PRKG1: variants seen among roughly 807,000 people sequenced by gnomAD.
The protein encoded by PRKG1 is cGMP-dependent protein kinase 1.
Under a neutral mutation model 88.1 loss-of-function variants are expected in PRKG1, and 35 were observed. The observed-to-expected ratio is 0.40, with a 90% CI of 0.30 to 0.53. The LOEUF (loss-of-function observed/expected upper bound fraction) is 0.53, where lower values mean the gene tolerates loss of function less well. PRKG1 is among the 20% of genes least tolerant of loss of function. The pLI is 0.59. For missense variants in PRKG1, 540 were observed against 839.8 expected (o/e 0.64, Z 4.41); for synonymous variants, 303 against 292.5 (o/e 1.04, Z -0.37).
chr10:51,407,545 A>G (rs949491634), intron 2 of PRKG1, among the ~76,000 whole-genome samples: 1 of 152,210 alleles, frequency 6.6e-6, no homozygotes, highest in African/African-American at 2.4e-5. Context: ...TACAGTCCTT[A>G]TTTCTGCAAC....
At chr10:51,755,817 T>C (rs1378306520) in intron 3 of PRKG1, among the ~76,000 whole-genome samples, 1 of 152,224 alleles carries the variant, frequency 6.6e-6, no homozygotes, top group Non-Finnish European at 1.5e-5. Context: ...AATCTGACTA[T>C]CTACTTGGTT....
chr10:52,190,987 C>G (rs1839348151), intron 9 of PRKG1, among the ~76,000 whole-genome samples: 1 of 152,162 alleles, frequency 6.6e-6, no homozygotes, highest in Admixed American at 6.5e-5. Context: ...TCACACTTAA[C>G]AAAATGAGTA....
intron 2 of PRKG1, among the ~76,000 whole-genome samples, chr10:51,189,217 T>C (rs991332510): frequency 6.6e-6 from 1 of 151,982 alleles, no homozygotes; most frequent in Non-Finnish European, 1.5e-5. Flanking sequence ...TTTATGGTAC[T>C]CATAGCAAAC....
At chr10:51,802,610 C>T (rs1199752242) in intron 3 of PRKG1, among the ~76,000 whole-genome samples, 1 of 152,010 alleles carries the variant, frequency 6.6e-6, no homozygotes, top group Non-Finnish European at 1.5e-5. Context: ...AAATGAAATG[C>T]TAATTTCTAG....
intron 2 of PRKG1, among the ~76,000 whole-genome samples, chr10:51,224,386 T>A (rs540156781): frequency 1.3e-5 from 2 of 152,234 alleles, no homozygotes; most frequent in Non-Finnish European, 1.5e-5. Flanking sequence ...CTTGTTCCCA[T>A]CCTATTCTCT....
intron 2 of PRKG1, among the ~76,000 whole-genome samples, chr10:51,189,925 G>A (rs924472300): frequency 2.6e-5 from 4 of 151,868 alleles, no homozygotes; most frequent in African/African-American, 9.7e-5. Flanking sequence ...GAAGATTATA[G>A]TTGTGGAGTG....
At chr10:51,841,785 C>T (rs375791755) in intron 4 of PRKG1, among the ~76,000 whole-genome samples, 5 of 152,022 alleles carry the variant, frequency 3.3e-5, no homozygotes, top group South Asian at 2.1e-4. Context: ...CAGGTTCAAG[C>T]GATTCTCCTG....
intron 1 of PRKG1, among the ~76,000 whole-genome samples, chr10:51,147,450 C>A (rs961455721): frequency 6.8e-6 from 1 of 146,234 alleles, no homozygotes; most frequent in East Asian, 2.0e-4. Context: ...AAAAAAAAAA[C>A]GAAGGAAAAT....
intron 2 of PRKG1, chr10:51,320,380 C>G (rs187879835): frequency 1.3e-3 from 203 of 161,828 alleles, no homozygotes; most frequent in Non-Finnish European, 2.1e-3. Flanking sequence ...GCTTAAGGAA[C>G]TCAACATTCA....
intron 3 of PRKG1, chr10:51,697,449 C>A: frequency 2.0e-6 from 1 of 490,980 alleles, no homozygotes; most frequent in Non-Finnish European, 3.6e-6. Flanking sequence ...TCTTATTTGG[C>A]ATAATATAAT....
intron 6 of PRKG1, 82 bp downstream of exon 6, chr10:52,054,643 T>G: frequency 8.6e-7 from 1 of 1,164,244 alleles, no homozygotes; most frequent in Non-Finnish European, 1.3e-6. Context: ...ACATGCAGAG[T>G]CTTGTGCTAT....
At chr10:51,440,871 A>T (rs1376157242) in intron 2 of PRKG1, among the ~76,000 whole-genome samples, 2 of 151,998 alleles carry the variant, frequency 1.3e-5, no homozygotes, top group African/African-American at 4.8e-5. Context: ...CAAAAATTTC[A>T]TGTAAACAAT....
chr10:51,682,547 A>G (rs1376921580), intron 3 of PRKG1, among the ~76,000 whole-genome samples: 1 of 152,134 alleles, frequency 6.6e-6, no homozygotes, highest in Non-Finnish European at 1.5e-5. Flanking sequence ...TAGAGTTTCC[A>G]TGCCCATGGG....
intron 3 of PRKG1, 95 bp downstream of exon 3, chr10:51,467,931 CT>C: frequency 9.9e-7 from 1 of 1,013,292 alleles, no homozygotes. Context: ...AATCTTTATA[CT>C]TTTATTTCTT....
chr10:51,170,587 T>C (rs1410954445), intron 2 of PRKG1, among the ~76,000 whole-genome samples: 2 of 151,814 alleles, frequency 1.3e-5, no homozygotes, highest in African/African-American at 2.4e-5. Flanking sequence ...CTCTGTAAGT[T>C]GAGCATTGAG....
At chr10:51,536,644 C>CT (rs960560447) in intron 3 of PRKG1, among the ~76,000 whole-genome samples, 11 of 151,148 alleles carry the variant, frequency 7.3e-5, no homozygotes, top group African/African-American at 1.9e-4. Flanking sequence ...CCTATGTTTT[C>CT]TTTTTTTTTA....
At chr10:52,047,956 T>G (rs1013094043) in intron 5 of PRKG1, among the ~76,000 whole-genome samples, 1 of 152,130 alleles carries the variant, frequency 6.6e-6, no homozygotes, top group African/African-American at 2.4e-5. Context: ...TTATTCTGTT[T>G]CAAACATTTA....
chr10:51,103,746 G>C (rs1844744934), intron 1 of PRKG1, among the ~76,000 whole-genome samples: 3 of 152,258 alleles, frequency 2.0e-5, no homozygotes, highest in Middle Eastern at 3.4e-3. Context: ...AGCAAAGCCA[G>C]TATCTTTGGG....
At chr10:51,612,160 G>A (rs148117629) in intron 3 of PRKG1, among the ~76,000 whole-genome samples, 1,554 of 151,860 alleles carry the variant, frequency 0.01, 12 homozygotes, top group Middle Eastern at 0.031. Context: ...AGATTATTTT[G>A]TTTATTTCTG....
Sources: allele counts gnomAD v4.1 joint callset (sites outside exome capture counted in the v4.1 genomes callset), GRCh38; gene constraint gnomAD v4.1.1; transcripts MANE v1.5; gene names NCBI Gene and HGNC (gene_info 2026-07-23, HGNC 2026-07-21).